Variants in NAP1L1 observed in about 807,000 individuals in gnomAD.
NAP1L1 encodes nucleosome assembly protein 1-like 1.
In NAP1L1, 9 loss-of-function variants were observed where a neutral mutation model predicts 58.9. The ratio of observed to expected loss-of-function variants is 0.15; its 90% CI spans 0.09 to 0.27. The LOEUF is 0.27. Ranked by LOEUF, NAP1L1 falls within the 10% of genes least tolerant of loss-of-function variation. The probability of loss-of-function intolerance (pLI) is 1.00; values close to 1 mark genes in which losing one functional copy is unlikely to be tolerated. For synonymous variants in NAP1L1, 130 were observed against 138.3 expected (o/e 0.94, Z 0.42); for missense variants, 302 against 458.8 (o/e 0.66, Z 3.12).
chr12:76,075,486 G>A (rs572428284), intron 1 of NAP1L1, among the ~76,000 whole-genome samples: 6 of 152,092 alleles, frequency 3.9e-5, no homozygotes, highest in Non-Finnish European at 7.4e-5. Context: ...TAATATTTGG[G>A]GGAAACATTA....
At chr12:76,072,132 T>C (rs757109408) in intron 2 of NAP1L1, among the ~76,000 whole-genome samples, 7 of 149,992 alleles carry the variant, frequency 4.7e-5, no homozygotes, top group Non-Finnish European at 1.0e-4. Flanking sequence ...CCCAATCCAA[T>C]CTTAATGAGC....
chr12:76,051,346 T>C (rs1174124950), intron 11 of NAP1L1, among the ~76,000 whole-genome samples: 3 of 151,642 alleles, frequency 2.0e-5, no homozygotes, highest in Admixed American at 1.3e-4. Context: ...AAAAAACCCT[T>C]GGGTTATTGT....
At chr12:76,079,523 A>G (rs559590786) in intron 1 of NAP1L1, among the ~76,000 whole-genome samples, 35 of 152,360 alleles carry the variant, frequency 2.3e-4, no homozygotes, top group African/African-American at 7.7e-4. Flanking sequence ...TCAGAATAAA[A>G]CACTAATCAG....
rs1948588696 is a variant in NAP1L1, at chr12:76,045,211, T to A, written c.*3218A>T. On this transcript the variant is annotated 3_prime_UTR_variant, in exon 15 of 15. Coordinates refer to ENST00000618691, the MANE Select transcript of NAP1L1 (RefSeq NM_004537.7). The stretch of plus-strand genomic sequence containing the variant: ...TCTTCTGCACTACCAATCTATTCTG[T>A]ACATTTAAAATAACATTTGTTTTGA... 3.3e-5 allele frequency: 5 copies of A among 152,130 alleles called. No individual in the cohort carries two copies. The highest frequency in any genetic ancestry group is 3.3e-4 in the Admixed American group (5 of 15,274). 9.4% of individuals were successfully genotyped at this position (152,130 alleles called of 1,614,324 possible).
At chr12:76,052,266 C>A (rs60491730) in intron 11 of NAP1L1, among the ~76,000 whole-genome samples, 2,600 of 150,566 alleles carry the variant, frequency 0.017, 60 homozygotes, top group African/African-American at 0.058. Flanking sequence ...AACAAACAAA[C>A]AAAAAAAAAC....
chr12:76,042,763 A>C lies in NAP1L1; in HGVS notation c.*5666T>G, dbSNP rs1314734990. On this transcript the variant is annotated 3_prime_UTR_variant, in exon 15 of 15. Transcript: ENST00000618691. ...AAGAGCATATTCAGCAACTGGACTT[A>C]AGTTTCTAAGTAATACTCCCTATTC... The C allele has an allele frequency of 6.6e-6, 1 of 152,204 alleles. No homozygotes were observed. The highest frequency in any genetic ancestry group is 1.5e-5 in the Non-Finnish European group (1 of 68,040). 9.4% of individuals were successfully genotyped at this position (152,204 alleles called of 1,614,324 possible).
chr12:76,057,576 C>T, intron 6 of NAP1L1: 1 of 977,192 alleles, frequency 1.0e-6, no homozygotes, highest in Non-Finnish European at 1.6e-6. Flanking sequence ...GGGCTGACTG[C>T]AAAGGAGACC....
chr12:76,061,227 C>G (rs1309331154), intron 4 of NAP1L1: 2 of 179,362 alleles, frequency 1.1e-5, no homozygotes, highest in Non-Finnish European at 2.4e-5. Flanking sequence ...ATTTTATCAC[C>G]CAAGTATTAA....
chr12:76,047,181 C>T lies in NAP1L1; in HGVS notation c.*1248G>A, dbSNP rs1948626299. On this transcript the variant is annotated 3_prime_UTR_variant, in exon 15 of 15. Coordinates refer to ENST00000618691, the MANE Select transcript of NAP1L1 (RefSeq NM_004537.7). ...TTGAGCTTTTAACAAGATTGAGAAACATTATATGAGATTTAACTCAATATG... is the reference window on the plus strand; with the variant it reads ...TTGAGCTTTTAACAAGATTGAGAAATATTATATGAGATTTAACTCAATATG... 1.3e-5 allele frequency: 2 copies of T among 152,410 alleles called. No individual in the cohort carries two copies. Among genetic ancestry groups the T allele is most frequent in the Admixed American group, 1.3e-4 (2 of 15,258 alleles). 9.4% of individuals were successfully genotyped at this position (152,410 alleles called of 1,614,324 possible). A position where few individuals can be genotyped will look rare whatever the true frequency, so the allele number is the denominator to read the frequency against.
intron 4 of NAP1L1, among the ~76,000 whole-genome samples, chr12:76,065,804 C>A (rs892359066): frequency 2.0e-5 from 3 of 151,368 alleles, no homozygotes; most frequent in Non-Finnish European, 4.4e-5. Flanking sequence ...TGTTGACAAC[C>A]CTGGTAAACT....
chr12:76,067,743 G>A (rs1335359233), intron 3 of NAP1L1, among the ~76,000 whole-genome samples: 1 of 152,112 alleles, frequency 6.6e-6, no homozygotes, highest in Non-Finnish European at 1.5e-5. Flanking sequence ...TCTCTTCCTG[G>A]TATCCTGTGT....
intron 14 of NAP1L1, 85 bp from the exon 15 acceptor site, chr12:76,048,549 A>C: frequency 7.5e-7 from 1 of 1,328,710 alleles, no homozygotes; most frequent in Non-Finnish European, 1.1e-6. Context: ...CTTAATTATA[A>C]CAGTAGCTCA....
chr12:76,056,505 A>T, intron 6 of NAP1L1: 1 of 403,982 alleles, frequency 2.5e-6, no homozygotes, highest in Non-Finnish European at 4.9e-6. Context: ...TGGTGTTCTT[A>T]ATCAAAACAT....
intron 6 of NAP1L1, chr12:76,057,736 A>T (rs1218441512): frequency 5.8e-6 from 9 of 1,549,136 alleles, no homozygotes; most frequent in Non-Finnish European, 2.6e-6. Context: ...TGAATATGCA[A>T]AACTTACTGT....
intron 1 of NAP1L1, among the ~76,000 whole-genome samples, chr12:76,076,456 C>T (rs945371071): frequency 7.3e-5 from 11 of 151,056 alleles, no homozygotes; most frequent in African/African-American, 2.4e-4. Context: ...AAATGGAATG[C>T]TTTGCAGTCA....
rs1401420169 is a variant in NAP1L1, at chr12:76,041,499, T to C, written c.*6930A>G. 1 of 152,176 alleles carries C rather than the reference T, an allele frequency of 6.6e-6. No homozygotes were observed. Among genetic ancestry groups the C allele is most frequent in the East Asian group, 1.9e-4 (1 of 5,192 alleles). The allele number at this position is 152,176 out of a possible 1,614,324, so 9.4% of individuals were successfully genotyped here. On this transcript the variant is annotated 3_prime_UTR_variant, in exon 15 of 15. Coordinates refer to ENST00000618691, the MANE Select transcript of NAP1L1 (RefSeq NM_004537.7). ...TAGTGCAAATGCAGGTTAAATACAGTGGGCTATTCATCTCCAAGTTGCCGT... is the reference window on the plus strand; with the variant it reads ...TAGTGCAAATGCAGGTTAAATACAGCGGGCTATTCATCTCCAAGTTGCCGT...
chr12:76,050,122 A>C (rs531678596), intron 12 of NAP1L1, among the ~76,000 whole-genome samples: 1 of 152,312 alleles, frequency 6.6e-6, no homozygotes, highest in South Asian at 2.1e-4. Context: ...CAATAAACAT[A>C]TTCAAAACAT....
intron 13 of NAP1L1, 105 bp downstream of exon 13, chr12:76,049,651 A>G (rs1390814965): frequency 5.8e-6 from 9 of 1,548,840 alleles, no homozygotes; most frequent in Non-Finnish European, 7.1e-6. Flanking sequence ...AAATGTTTTT[A>G]TCCCAAATCA....
intron 4 of NAP1L1, among the ~76,000 whole-genome samples, chr12:76,063,416 A>G (rs1488878724): frequency 6.6e-6 from 1 of 152,234 alleles, no homozygotes; most frequent in Non-Finnish European, 1.5e-5. Context: ...GAAAGACCCA[A>G]AGTAAAATAA....
Sources: gnomAD v4.1 joint callset for allele counts (sites outside exome capture counted in the v4.1 genomes callset) on GRCh38, gnomAD v4.1.1 for gene constraint, MANE v1.5 for transcripts, NCBI Gene and HGNC (gene_info 2026-07-23, HGNC 2026-07-21) for gene names.